Variants in PCDHGA3 observed in about 807,000 individuals in gnomAD.
PCDHGA3 encodes protocadherin gamma-A3.
PCDHGA3 carries 40 observed loss-of-function variants against 58.5 expected under a neutral mutation model. The observed-to-expected ratio is 0.68, with a 90% confidence interval of 0.53 to 0.89. The LOEUF is 0.89. PCDHGA3 is among the 40% of genes least tolerant of loss of function. The probability of loss-of-function intolerance (pLI) is 0.00; values close to 1 mark genes in which losing one functional copy is unlikely to be tolerated. For synonymous variants in PCDHGA3, 530 were observed against 525.7 expected (o/e 1.01, Z -0.11); for missense variants, 1,223 against 1,195.9 (o/e 1.02, Z -0.33).
Position 141,491,963 on chromosome 5 carries a change from C to A in PCDHGA3, c.2425-2844C>A. ...CCCCCACCCCTACACTCAAAAAAGG[C>A]CGGGGCCTCCTTCGAGCTTCCGGTG... On this transcript the variant is annotated intron_variant, in intron 1 of 3. Coordinates refer to ENST00000253812, the MANE Select transcript of PCDHGA3 (RefSeq NM_018916.4). This position sits in a 1 kb window ranked among gnomAD's most constrained non-coding sequence, Gnocchi z 6.9. 2 of 944,828 alleles carry A rather than the reference C, an allele frequency of 2.1e-6. No homozygotes were observed. Among genetic ancestry groups the A allele is most frequent in the Non-Finnish European group, 3.0e-6 (2 of 670,874 alleles). 58.5% of individuals were successfully genotyped at this position (944,828 alleles called of 1,614,324 possible).
In PCDHGA3 at chr5:141,431,450, A is replaced by G; in HGVS notation, c.2425-63357A>G. 2 of 1,613,740 alleles carry G rather than the reference A, an allele frequency of 1.2e-6. No individual in the cohort carries two copies. Among genetic ancestry groups the G allele is most frequent in the South Asian group, 1.1e-5 (1 of 91,082 alleles). Reference sequence around the variant, plus strand: ...CACAGGCACCGCGCGCATCCGCGTGATGGTTCTGGATGCGAACGACAACGC... The same window carrying G: ...CACAGGCACCGCGCGCATCCGCGTGGTGGTTCTGGATGCGAACGACAACGC... On this transcript the variant is annotated intron_variant, in intron 1 of 3. Coordinates refer to ENST00000253812, the MANE Select transcript of PCDHGA3 (RefSeq NM_018916.4). The surrounding 1 kb of genome is among the most constrained non-coding windows in gnomAD (Gnocchi z 4.8).
At position 141,487,370 on chromosome 5, in the gene PCDHGA3, T is replaced by C; in HGVS notation, c.2425-7437T>C. 6.2e-7 allele frequency: 1 copy of C among 1,614,232 alleles called. No individual in the cohort carries two copies. Among genetic ancestry groups the C allele is most frequent in the South Asian group, 1.1e-5 (1 of 91,080 alleles). On this transcript the variant is annotated intron_variant, in intron 1 of 3. Transcript: ENST00000253812. The surrounding 1 kb of genome is among the most constrained non-coding windows in gnomAD (Gnocchi z 5.0). ...ATGCTTTCCTGCTGGCACCTGTGCC[T>C]GTCTCACCAGATCTCGAAGGAGGGA... is the stretch of plus-strand genomic sequence containing the variant.
chr5:141,372,789 A>G (rs1769071536), intron 1 of PCDHGA3: 2 of 1,601,162 alleles, frequency 1.2e-6, no homozygotes, highest in Non-Finnish European at 8.5e-7. Flanking sequence ...AATGCCTTCT[A>G]ATTCAGGCAA....
rs750928530 is a variant in PCDHGA3 at position 141,490,174 on chromosome 5, G to T, written c.2425-4633G>T. 1 of 1,614,056 alleles carries T rather than the reference G, an allele frequency of 6.2e-7. No individual in the cohort carries two copies. Among genetic ancestry groups the T allele is most frequent in the South Asian group, 1.1e-5 (1 of 91,086 alleles). ...TGTGTTGGGTCCCATAGACTTTGAG[G>T]AGTCACGTTTCTATGAAATTCATGC... On this transcript the variant is annotated intron_variant, in intron 1 of 3. Transcript: ENST00000253812. This position sits in a 1 kb window ranked among gnomAD's most constrained non-coding sequence, Gnocchi z 5.4.
intron 1 of PCDHGA3, among the ~76,000 whole-genome samples, chr5:141,353,878 T>G (rs1348721823): frequency 6.6e-6 from 1 of 152,244 alleles, no homozygotes; most frequent in Non-Finnish European, 1.5e-5. Flanking sequence ...TCTCAAAGTC[T>G]GAGGGTTTTT....
At chr5:141,353,069 G>C (rs575305873) in intron 1 of PCDHGA3, among the ~76,000 whole-genome samples, 1 of 152,196 alleles carries the variant, frequency 6.6e-6, no homozygotes, top group East Asian at 1.9e-4. Flanking sequence ...CATTGTTCTA[G>C]TGATGGTATC....
chr5:141,366,894 T>A, intron 1 of PCDHGA3: 1 of 1,215,552 alleles, frequency 8.2e-7, no homozygotes, highest in Non-Finnish European at 1.1e-6. Flanking sequence ...TTTATATAAT[T>A]CATGCTTTCT....
chr5:141,498,848 G>A (rs930895553), intron 2 of PCDHGA3, among the ~76,000 whole-genome samples: 3 of 151,908 alleles, frequency 2.0e-5, no homozygotes, highest in Non-Finnish European at 4.4e-5. Context: ...CAGGGGAATC[G>A]CTTGAACCCA....
intron 1 of PCDHGA3, among the ~76,000 whole-genome samples, chr5:141,469,031 C>T (rs963001535): frequency 1.3e-5 from 2 of 152,070 alleles, no homozygotes; most frequent in Admixed American, 6.6e-5. Flanking sequence ...AATCCCAGCA[C>T]TTTGGGAGGC....
chr5:141,505,591 G>C (rs2099846959), intron 3 of PCDHGA3, 110 bp downstream of exon 3: 2 of 1,570,280 alleles, frequency 1.3e-6, no homozygotes, highest in African/African-American at 2.7e-5. Flanking sequence ...AGTTTCTCCA[G>C]ATCTTTCGGC....
At chr5:141,368,813 A>G (rs529134948) in intron 1 of PCDHGA3, among the ~76,000 whole-genome samples, 1 of 152,204 alleles carries the variant, frequency 6.6e-6, no homozygotes, top group African/African-American at 2.4e-5. Flanking sequence ...TGAAGTGTTC[A>G]TACAATGAAC....
intron 1 of PCDHGA3, chr5:141,370,659 C>A: frequency 6.2e-7 from 1 of 1,613,780 alleles, no homozygotes; most frequent in Admixed American, 1.7e-5. Context: ...TGTGAGCGAC[C>A]GTATAGACCG....
rs2097527384 is a variant in PCDHGA3 at position 141,432,674 on chromosome 5, A to G, written c.2425-62133A>G. 2 of 1,613,856 alleles carry G rather than the reference A, an allele frequency of 1.2e-6. No homozygotes were observed. The highest frequency in any genetic ancestry group is 4.5e-5 in the East Asian group (2 of 44,840). On this transcript the variant is annotated intron_variant, in intron 1 of 3. Coordinates refer to ENST00000253812, the MANE Select transcript of PCDHGA3 (RefSeq NM_018916.4). The surrounding 1 kb of genome is among the most constrained non-coding windows in gnomAD (Gnocchi z 6.0). ...AGCCCTGCTGGACAGAGACGCGCTCAAGCAGAGCCTCGTAGTGGCCGTCCA... is the reference window on the plus strand; with the variant it reads ...AGCCCTGCTGGACAGAGACGCGCTCGAGCAGAGCCTCGTAGTGGCCGTCCA...
intron 1 of PCDHGA3, chr5:141,374,678 A>C (rs753625335): frequency 1.2e-6 from 2 of 1,610,496 alleles, no homozygotes; most frequent in Admixed American, 1.7e-5. Flanking sequence ...GCTGGAGGGC[A>C]CACTGGACCG....
intron 1 of PCDHGA3, among the ~76,000 whole-genome samples, chr5:141,426,006 G>C (rs1013613474): frequency 2.0e-5 from 3 of 152,104 alleles, no homozygotes; most frequent in African/African-American, 7.2e-5. Flanking sequence ...AAGGCTTCCG[G>C]CTGCAGTTTT....
chr5:141,497,596 G>C (rs920597006), intron 2 of PCDHGA3, among the ~76,000 whole-genome samples: 1 of 149,648 alleles, frequency 6.7e-6, no homozygotes, highest in Admixed American at 6.7e-5. Context: ...CTGGAGTGCA[G>C]TGGTGCGATC....
intron 1 of PCDHGA3, chr5:141,356,712 T>C: frequency 1.9e-6 from 3 of 1,614,032 alleles, no homozygotes; most frequent in Non-Finnish European, 1.7e-6. Context: ...TGTCCTCCTA[T>C]GTCTCCATCA....
At chr5:141,410,481 G>A in intron 1 of PCDHGA3, 2 of 1,613,966 alleles carry the variant, frequency 1.2e-6, no homozygotes, top group Non-Finnish European at 1.7e-6. Context: ...GCACATACGG[G>A]TACAAAAGAG....
At position 141,485,184 on chromosome 5, in the gene PCDHGA3, A is replaced by G. The variant is rs1415940980; in HGVS notation, c.2425-9623A>G. ...TAGCGGGCGGCAGCAATGCTCCGCA[A>G]GGTGAGAAGCTGGACAGAAATCTGG... On this transcript the variant is annotated intron_variant, in intron 1 of 3. Transcript: ENST00000253812. This position sits in a 1 kb window ranked among gnomAD's most constrained non-coding sequence, Gnocchi z 5.7. The G allele has an allele frequency of 6.2e-7, 1 of 1,613,152 alleles. No individual in the cohort carries two copies. The highest frequency in any genetic ancestry group is 1.3e-5 in the African/African-American group (1 of 74,938).
Sources: allele counts gnomAD v4.1 joint callset (sites outside exome capture counted in the v4.1 genomes callset), GRCh38; gene constraint gnomAD v4.1.1; non-coding constraint Gnocchi (gnomAD v3.1); transcripts MANE v1.5; gene names NCBI Gene and HGNC (gene_info 2026-07-23, HGNC 2026-07-21).